The following SLC24A2 variants were observed in gnomAD, a reference collection of about 807,000 sequenced individuals.
SLC24A2 encodes sodium/potassium/calcium exchanger 2.
In SLC24A2, 36 loss-of-function variants were observed where a neutral mutation model predicts 62.0. That is an observed-to-expected ratio of 0.58 (90% CI 0.44 to 0.77). SLC24A2 has a LOEUF of 0.77. Among genes scored for constraint, SLC24A2 ranks in the 30% least tolerant of loss-of-function variants. The pLI, the probability that SLC24A2 is intolerant of heterozygous loss-of-function variation, is 0.00. For missense variants in SLC24A2, 846 were observed against 817.9 expected (o/e 1.03, Z -0.42); for synonymous variants, 358 against 294.0 (o/e 1.22, Z -2.23).
chr9:20,125,722 T>C, the SLC24A2 span, among the ~76,000 whole-genome samples: 1 of 152,138 alleles, frequency 6.6e-6, no homozygotes. Flanking sequence ...CCCATGGTGG[T>C]GAGGGTTGTG....
the SLC24A2 span, among the ~76,000 whole-genome samples, chr9:19,874,083 T>TC: frequency 5.9e-3 from 836 of 141,972 alleles, 4 homozygotes; most frequent in Middle Eastern, 0.021. Flanking sequence ...TTCTTTTTTT[T>TC]TTTTTTTTTT....
At chr9:19,555,551 T>G (rs1003589725) in intron 7 of SLC24A2, among the ~76,000 whole-genome samples, 22 of 152,224 alleles carry the variant, frequency 1.4e-4, no homozygotes, top group African/African-American at 5.3e-4. Context: ...TTTTTGTAAG[T>G]AGCCTCGAAT....
At chr9:19,745,076 A>T (rs1028346131) in intron 2 of SLC24A2, among the ~76,000 whole-genome samples, 18 of 152,166 alleles carry the variant, frequency 1.2e-4, no homozygotes, top group Admixed American at 6.5e-5. Flanking sequence ...TGAATGGCTT[A>T]GTGCCATCCC....
At chr9:19,949,485 T>C in the SLC24A2 span, among the ~76,000 whole-genome samples, 1 of 152,240 alleles carries the variant, frequency 6.6e-6, no homozygotes, top group Non-Finnish European at 1.5e-5. Context: ...TCAAGTCTAC[T>C]GTGTTGGAGA....
the SLC24A2 span, among the ~76,000 whole-genome samples, chr9:19,876,148 A>G: frequency 3.9e-5 from 6 of 152,194 alleles, no homozygotes; most frequent in Non-Finnish European, 5.9e-5. Flanking sequence ...ATATTTTTCA[A>G]TTTAAACCAG....
At chr9:20,113,073 TCA>T in the SLC24A2 span, among the ~76,000 whole-genome samples, 1 of 149,574 alleles carries the variant, frequency 6.7e-6, no homozygotes, top group Non-Finnish European at 1.5e-5. Flanking sequence ...AGCTCCATCC[TCA>T]GAGTTTTGGG....
chr9:20,134,931 A>AAAAT, the SLC24A2 span, among the ~76,000 whole-genome samples: 1 of 152,204 alleles, frequency 6.6e-6, no homozygotes, highest in Non-Finnish European at 1.5e-5. Flanking sequence ...AGGGACAAAC[A>AAAAT]AAATCTGTCT....
the SLC24A2 span, among the ~76,000 whole-genome samples, chr9:20,148,046 G>C: frequency 6.6e-6 from 1 of 151,980 alleles, no homozygotes; most frequent in African/African-American, 2.4e-5. Context: ...GAGTCAGATG[G>C]GTACTATATG....
At chr9:20,083,046 G>T in the SLC24A2 span, among the ~76,000 whole-genome samples, 1 of 152,216 alleles carries the variant, frequency 6.6e-6, no homozygotes, top group African/African-American at 2.4e-5. Context: ...ATACTACAGT[G>T]CCGGGGTCAT....
the SLC24A2 span, among the ~76,000 whole-genome samples, chr9:20,107,278 T>G: frequency 6.6e-6 from 1 of 151,900 alleles, no homozygotes; most frequent in Non-Finnish European, 1.5e-5. Context: ...TCCAAGGTAA[T>G]TTATAGATTC....
chr9:19,619,779 A>G (rs1817865577), intron 3 of SLC24A2, 87 bp from the exon 4 acceptor site: 3 of 994,770 alleles, frequency 3.0e-6, no homozygotes, highest in Non-Finnish European at 4.8e-6. Flanking sequence ...TCTGGTGGCC[A>G]CTCATTTCTG....
chr9:19,690,826 C>T (rs1449358112), intron 2 of SLC24A2, among the ~76,000 whole-genome samples: 1 of 151,930 alleles, frequency 6.6e-6, no homozygotes, highest in Non-Finnish European at 1.5e-5. Context: ...AATGAATGTG[C>T]ACAGTACACA....
chr9:20,295,647 A>C, the SLC24A2 span, among the ~76,000 whole-genome samples: 1 of 152,274 alleles, frequency 6.6e-6, no homozygotes, highest in Middle Eastern at 3.4e-3. Context: ...AAGCTGAGAG[A>C]AATATTTCTT....
At chr9:20,215,429 C>A in the SLC24A2 span, among the ~76,000 whole-genome samples, 1 of 151,862 alleles carries the variant, frequency 6.6e-6, no homozygotes, top group Non-Finnish European at 1.5e-5. Flanking sequence ...AGAAGACTCA[C>A]AAGAACAAAG....
chr9:19,893,512 CATT>C, the SLC24A2 span, among the ~76,000 whole-genome samples: 6 of 152,140 alleles, frequency 3.9e-5, no homozygotes, highest in Non-Finnish European at 8.8e-5. Flanking sequence ...AGGCAGAAAA[CATT>C]ATTATAATAG....
At chr9:19,973,976 C>T in the SLC24A2 span, among the ~76,000 whole-genome samples, 3 of 152,064 alleles carry the variant, frequency 2.0e-5, no homozygotes, top group Non-Finnish European at 4.4e-5. Flanking sequence ...TACACTGAAA[C>T]TTGTTTCATT....
At chr9:19,685,562 T>C (rs2118424509) in intron 2 of SLC24A2, among the ~76,000 whole-genome samples, 1 of 151,848 alleles carries the variant, frequency 6.6e-6, no homozygotes, top group East Asian at 1.9e-4. Flanking sequence ...CAAAAACACA[T>C]AGATCTATGG....
intron 10 of SLC24A2, among the ~76,000 whole-genome samples, chr9:19,518,397 TTTC>T (rs1204223191): frequency 6.6e-6 from 1 of 151,870 alleles, no homozygotes; most frequent in African/African-American, 2.4e-5. Flanking sequence ...AAGCTTTATT[TTTC>T]TTTTCTTTCT....
At chr9:19,845,946 G>A in the SLC24A2 span, among the ~76,000 whole-genome samples, 1 of 151,900 alleles carries the variant, frequency 6.6e-6, no homozygotes, top group Non-Finnish European at 1.5e-5. Flanking sequence ...ACTGTGGCCT[G>A]AGAATATGTT....
Sources: allele counts gnomAD v4.1 joint callset (sites outside exome capture counted in the v4.1 genomes callset), GRCh38; gene constraint gnomAD v4.1.1; transcripts MANE v1.5; gene names NCBI Gene and HGNC (gene_info 2026-07-23, HGNC 2026-07-21).